CNTN5: variants seen among roughly 807,000 people sequenced by gnomAD.
The protein encoded by CNTN5 is contactin 5, also known as contactin-5.
A neutral mutation model predicts 129.1 loss-of-function variants in CNTN5; 77 were observed. The observed-to-expected ratio is 0.60, with a 90% CI of 0.50 to 0.72. The LOEUF (loss-of-function observed/expected upper bound fraction) is 0.72. CNTN5 is among the 30% of genes least tolerant of loss of function. CNTN5 has a pLI of 0.00. For synonymous variants in CNTN5, 509 were observed against 465.6 expected, an observed-to-expected ratio of 1.09 and a Z score of -1.20; for missense variants, 1,478 against 1,328.8, an observed-to-expected ratio of 1.11 and a Z score of -1.75.
intron 9 of CNTN5, among the ~76,000 whole-genome samples, chr11:100,044,678 A>AT (rs1276314246): frequency 6.6e-6 from 1 of 151,486 alleles, no homozygotes; most frequent in East Asian, 1.9e-4. Context: ...TTATTTTGGA[A>AT]TTTTTTGTTG....
chr11:100,166,481 C>T (rs1285502190), intron 13 of CNTN5, among the ~76,000 whole-genome samples: 1 of 151,662 alleles, frequency 6.6e-6, no homozygotes, highest in Non-Finnish European at 1.5e-5. Flanking sequence ...GTGTTGGCAT[C>T]CTAACTGTAT....
chr11:99,463,458 A>AAAG (rs1554994440), intron 2 of CNTN5, among the ~76,000 whole-genome samples: 4 of 151,098 alleles, frequency 2.6e-5, no homozygotes, highest in Non-Finnish European at 4.4e-5. Flanking sequence ...AAAAAAAAAA[A>AAAG]ACAATAGAAG....
intron 1 of CNTN5, among the ~76,000 whole-genome samples, chr11:99,062,243 G>T (rs1408834778): frequency 6.6e-6 from 1 of 152,140 alleles, no homozygotes; most frequent in Admixed American, 6.6e-5. Context: ...AACAAGCAAT[G>T]TTGGAGCACA....
At chr11:99,710,868 T>A (rs973110805) in intron 3 of CNTN5, among the ~76,000 whole-genome samples, 1 of 151,890 alleles carries the variant, frequency 6.6e-6, no homozygotes, top group African/African-American at 2.4e-5. Flanking sequence ...ATCAACTTAG[T>A]TACTAAAACA....
chr11:100,187,033 A>AT (rs1251809118), intron 13 of CNTN5, among the ~76,000 whole-genome samples: 4 of 151,852 alleles, frequency 2.6e-5, no homozygotes, highest in African/African-American at 9.7e-5. Context: ...ACATTGTGGA[A>AT]TTTTTTTTCC....
intron 2 of CNTN5, among the ~76,000 whole-genome samples, chr11:99,514,947 G>A (rs1221246689): frequency 6.6e-6 from 1 of 151,966 alleles, no homozygotes; most frequent in African/African-American, 2.4e-5. Context: ...GTTAAAGAAA[G>A]GAAGATATTA....
intron 16 of CNTN5, among the ~76,000 whole-genome samples, chr11:100,250,043 T>G (rs1249353311): frequency 1.3e-5 from 2 of 152,098 alleles, no homozygotes; most frequent in Non-Finnish European, 2.9e-5. Flanking sequence ...AATATGTTCA[T>G]AAAAGTATTT....
intron 20 of CNTN5, among the ~76,000 whole-genome samples, chr11:100,302,878 T>C (rs1303268599): frequency 6.6e-6 from 1 of 151,646 alleles, no homozygotes; most frequent in African/African-American, 2.4e-5. Context: ...AAACCTTGAA[T>C]TGACATGTTT....
At chr11:99,092,196 A>G (rs1866280459) in intron 1 of CNTN5, among the ~76,000 whole-genome samples, 1 of 152,152 alleles carries the variant, frequency 6.6e-6, no homozygotes, top group Admixed American at 6.5e-5. Flanking sequence ...AATTTTTAAA[A>G]GTAGTATCAA....
intron 2 of CNTN5, among the ~76,000 whole-genome samples, chr11:99,527,603 G>GA (rs959046264): frequency 1.3e-4 from 20 of 150,300 alleles, no homozygotes; most frequent in South Asian, 2.1e-4. Flanking sequence ...AAGGTAAACA[G>GA]AAAAAAAAAT....
chr11:99,555,529 A>G (rs1237448373), intron 2 of CNTN5, among the ~76,000 whole-genome samples: 5 of 152,012 alleles, frequency 3.3e-5, no homozygotes, highest in Non-Finnish European at 7.4e-5. Context: ...AACATTAAAT[A>G]TTCATGAAAA....
At chr11:99,947,872 A>G (rs1452633520) in intron 7 of CNTN5, among the ~76,000 whole-genome samples, 1 of 152,086 alleles carries the variant, frequency 6.6e-6, no homozygotes. Flanking sequence ...TTAAAAATTC[A>G]TAGTGAAAAA....
chr11:99,328,737 G>T (rs7950957), intron 2 of CNTN5, among the ~76,000 whole-genome samples: 39,154 of 151,262 alleles, frequency 0.26, 5,700 homozygotes, highest in Middle Eastern at 0.37. Context: ...AAGCATGATG[G>T]TGCATGTGTG....
intron 3 of CNTN5, among the ~76,000 whole-genome samples, chr11:99,609,196 T>C (rs1950522211): frequency 6.6e-6 from 1 of 152,076 alleles, no homozygotes; most frequent in Non-Finnish European, 1.5e-5. Flanking sequence ...ATACTTATGG[T>C]TGTTTAAACT....
At chr11:99,352,574 C>A (rs1009581629) in intron 2 of CNTN5, among the ~76,000 whole-genome samples, 5 of 151,926 alleles carry the variant, frequency 3.3e-5, no homozygotes, top group African/African-American at 1.2e-4. Context: ...AAAGTTGAAA[C>A]AATAAAAACA....
chr11:99,347,437 C>T (rs974946570), intron 2 of CNTN5, among the ~76,000 whole-genome samples: 5 of 152,042 alleles, frequency 3.3e-5, no homozygotes, highest in African/African-American at 1.2e-4. Context: ...AATATAATAA[C>T]ACATAAACTA....
chr11:99,191,800 G>T (rs1858656925), intron 1 of CNTN5, among the ~76,000 whole-genome samples: 1 of 151,568 alleles, frequency 6.6e-6, no homozygotes, highest in African/African-American at 2.4e-5. Context: ...ACAACTTAAA[G>T]AATAGAGCAA....
chr11:99,087,677 G>C (rs1866057884), intron 1 of CNTN5, among the ~76,000 whole-genome samples: 1 of 152,170 alleles, frequency 6.6e-6, no homozygotes, highest in African/African-American at 2.4e-5. Flanking sequence ...AATAATAAAT[G>C]TGGTACCCTG....
intron 1 of CNTN5, among the ~76,000 whole-genome samples, chr11:99,106,917 T>C (rs1867024289): frequency 6.6e-6 from 1 of 152,068 alleles, no homozygotes; most frequent in Non-Finnish European, 1.5e-5. Context: ...ATCATATACA[T>C]CTTTTGTAAC....
Sources: gnomAD v4.1 joint callset for allele counts (sites outside exome capture counted in the v4.1 genomes callset) on GRCh38, gnomAD v4.1.1 for gene constraint, MANE v1.5 for transcripts, NCBI Gene and HGNC (gene_info 2026-07-23, HGNC 2026-07-21) for gene names.